Variants in SENP1 observed in about 807,000 individuals in gnomAD.
SENP1 encodes SUMO specific peptidase 1.
A neutral mutation model predicts 93.0 loss-of-function variants in SENP1; 21 were observed. That is an observed-to-expected ratio of 0.23 (90% CI 0.16 to 0.33). SENP1 has a LOEUF of 0.33. Ranked by LOEUF, SENP1 falls within the 10% of genes least tolerant of loss-of-function variation. The pLI is 1.00. For missense variants in SENP1, 591 were observed against 758.7 expected (o/e 0.78, Z 2.60); for synonymous variants, 256 against 259.6 (o/e 0.99, Z 0.13).
At chr12:48,104,283 G>GGAGAGA (rs1183383852) in intron 1 of SENP1, among the ~76,000 whole-genome samples, 1 of 111,010 alleles carries the variant, frequency 9.0e-6, no homozygotes, top group Admixed American at 9.3e-5. Context: ...GCGGAGGGAG[G>GGAGAGA]GAGAGAGAGA....
intron 6 of SENP1, among the ~76,000 whole-genome samples, chr12:48,076,809 T>A (rs955527980): frequency 3.3e-5 from 5 of 149,322 alleles, no homozygotes; most frequent in African/African-American, 1.2e-4. Context: ...CGCCCAGCCA[T>A]TTTTTTTTAT....
chr12:48,045,151 A>C lies in SENP1; in HGVS notation c.*171T>G, dbSNP rs1941267911. The C allele has an allele frequency of 1.3e-5, 8 of 593,982 alleles. No individual in the cohort carries two copies. Among genetic ancestry groups the C allele is most frequent in the Non-Finnish European group, 3.1e-6 (1 of 325,234 alleles). 36.8% of individuals were successfully genotyped at this position (593,982 alleles called of 1,614,324 possible). ...TTTCTTTGCAAAAATAGTATCTGAGATACAAAAGGAAAGGCAGATGTGCTT... is the reference window on the plus strand; with the variant it reads ...TTTCTTTGCAAAAATAGTATCTGAGCTACAAAAGGAAAGGCAGATGTGCTT... On this transcript the variant is annotated 3_prime_UTR_variant, in exon 18 of 18. Coordinates refer to ENST00000549518, the MANE Select transcript of SENP1 (RefSeq NM_001267594.2).
intron 1 of SENP1, among the ~76,000 whole-genome samples, chr12:48,104,053 A>G (rs1946169028): frequency 6.6e-6 from 1 of 151,870 alleles, no homozygotes; most frequent in African/African-American, 2.4e-5. Flanking sequence ...TCTACGAAAA[A>G]TACAAAAATT....
At chr12:48,081,374 A>G (rs1565786034) in intron 6 of SENP1, 1 of 152,168 alleles carries the variant, frequency 6.6e-6, no homozygotes, top group Non-Finnish European at 1.5e-5. Flanking sequence ...GAAGATTAGC[A>G]TGGCCCCTGT....
At chr12:48,095,915 T>C (rs961974271) in intron 4 of SENP1, among the ~76,000 whole-genome samples, 2 of 152,236 alleles carry the variant, frequency 1.3e-5, no homozygotes, top group Non-Finnish European at 2.9e-5. Flanking sequence ...TAACATTTCC[T>C]GCCCTGAAAG....
intron 1 of SENP1, among the ~76,000 whole-genome samples, chr12:48,104,988 C>T (rs1946379302): frequency 6.6e-6 from 1 of 152,140 alleles, no homozygotes; most frequent in African/African-American, 2.4e-5. Flanking sequence ...TAAAGTTGCG[C>T]TTTAACTGTA....
chr12:48,066,817 A>G, intron 10 of SENP1, 110 bp downstream of exon 10: 1 of 864,522 alleles, frequency 1.2e-6, no homozygotes, highest in Non-Finnish European at 1.9e-6. Flanking sequence ...CAGCCTAAAC[A>G]GGTACTTCTT....
chr12:48,065,330 A>G, intron 11 of SENP1, 110 bp from the exon 12 acceptor site: 2 of 892,296 alleles, frequency 2.2e-6, no homozygotes, highest in South Asian at 3.6e-5. Flanking sequence ...GAGCGTGCTT[A>G]AATGCCCATT....
At chr12:48,097,911 G>A (rs899292626) in intron 3 of SENP1, 83 bp downstream of exon 3, 1 of 1,226,614 alleles carries the variant, frequency 8.2e-7, no homozygotes, top group African/African-American at 1.5e-5. Context: ...GTATTTTTGA[G>A]TGTGGCATTT....
At chr12:48,073,931 T>C (rs1049275291) in intron 8 of SENP1, among the ~76,000 whole-genome samples, 3 of 152,202 alleles carry the variant, frequency 2.0e-5, no homozygotes, top group Non-Finnish European at 4.4e-5. Flanking sequence ...GAATATCCTA[T>C]TTGTGGATTT....
chr12:48,068,929 G>C (rs1943475957), intron 9 of SENP1, among the ~76,000 whole-genome samples: 1 of 151,966 alleles, frequency 6.6e-6, no homozygotes, highest in African/African-American at 2.4e-5. Flanking sequence ...GAGGTGGGTG[G>C]AACACCGGAG....
At chr12:48,046,277 A>G (rs1431081396) in intron 17 of SENP1, 79 bp downstream of exon 17, 16 of 941,832 alleles carry the variant, frequency 1.7e-5, no homozygotes, top group Non-Finnish European at 2.6e-5. Context: ...CCTAAAGAGA[A>G]CAACTGGAGA....
In SENP1 at chr12:48,045,217, G is replaced by A; in HGVS notation, c.*105C>T. The A allele has an allele frequency of 1.1e-6, 1 of 893,614 alleles. No homozygotes were observed. The highest frequency in any genetic ancestry group is 1.8e-6 in the Non-Finnish European group (1 of 544,332). 55.4% of individuals were successfully genotyped at this position (893,614 alleles called of 1,614,324 possible). A position where few individuals can be genotyped will look rare whatever the true frequency, so the allele number is the denominator to read the frequency against. ...CAGGGCCTGGTCCAGGATCAAGGGT[G>A]TTACAACAGCAGAGGGCTGGGAGCA... On this transcript the variant is annotated 3_prime_UTR_variant, in exon 18 of 18. Transcript: ENST00000549518.
rs928380212 is a variant in SENP1, at chr12:48,046,870, G to C, written c.1776+108C>G. The C allele has an allele frequency of 3.0e-5, 21 of 692,708 alleles. No homozygotes were observed. In the African/African-American group the frequency reaches 3.4e-4, roughly 11 times the overall value. 42.9% of individuals were successfully genotyped at this position (692,708 alleles called of 1,614,324 possible). Reference sequence around the variant, plus strand: ...CCAGAAACCAACCAACCAAGCTGAAGTCAGGCTAGACACGAACACAGGTGG... The same window carrying C: ...CCAGAAACCAACCAACCAAGCTGAACTCAGGCTAGACACGAACACAGGTGG... On this transcript the variant is annotated intron_variant, in intron 16 of 17. Transcript: ENST00000549518.
chr12:48,094,781 T>C (rs1945444097), intron 4 of SENP1, among the ~76,000 whole-genome samples: 1 of 152,200 alleles, frequency 6.6e-6, no homozygotes, highest in African/African-American at 2.4e-5. Context: ...ATAACTTTAT[T>C]ATTAAGTAAT....
intron 13 of SENP1, among the ~76,000 whole-genome samples, chr12:48,057,172 A>G (rs992910694): frequency 2.9e-5 from 2 of 68,498 alleles, no homozygotes; most frequent in African/African-American, 1.0e-4. Context: ...ATATATAAAT[A>G]TATTATTTAA....
Position 48,043,577 on chromosome 12 carries a change from T to C in SENP1, c.*1745A>G, listed in dbSNP as rs763477440. 1 of 152,436 alleles carries C rather than the reference T, an allele frequency of 6.6e-6. No individual in the cohort carries two copies. Among genetic ancestry groups the C allele is most frequent in the Non-Finnish European group, 1.5e-5 (1 of 67,978 alleles). 9.4% of individuals were successfully genotyped at this position (152,436 alleles called of 1,614,324 possible). ...CCCCAGCAACTCATATATAGAAAGC[T>C]ATTTATTTCCTATAGAAAACTCAAA... On this transcript the variant is annotated 3_prime_UTR_variant, in exon 18 of 18. Transcript: ENST00000549518.
chr12:48,077,759 G>A (rs148348203), intron 6 of SENP1, among the ~76,000 whole-genome samples: 4 of 151,020 alleles, frequency 2.6e-5, no homozygotes, highest in South Asian at 2.1e-4. Context: ...CAGGCATAAC[G>A]GGTTCATTTC....
At chr12:48,077,754 A>G (rs1944202779) in intron 6 of SENP1, among the ~76,000 whole-genome samples, 1 of 151,832 alleles carries the variant, frequency 6.6e-6, no homozygotes, top group Admixed American at 6.6e-5. Flanking sequence ...CACGACAGGC[A>G]TAACGGGTTC....
Sources: allele counts gnomAD v4.1 joint callset (sites outside exome capture counted in the v4.1 genomes callset), GRCh38; gene constraint gnomAD v4.1.1; transcripts MANE v1.5; gene names NCBI Gene and HGNC (gene_info 2026-07-23, HGNC 2026-07-21).